LSAMP: variants seen among roughly 807,000 people sequenced by gnomAD.
LSAMP encodes the protein limbic system-associated membrane protein.
In LSAMP, 7 loss-of-function variants were observed where a neutral mutation model predicts 38.6. The observed-to-expected ratio is 0.18, with a 90% CI of 0.10 to 0.34. The LOEUF is 0.34. Ranked by LOEUF, LSAMP falls within the 10% of genes least tolerant of loss-of-function variation. The probability of loss-of-function intolerance (pLI) is 1.00; values close to 1 mark genes in which losing one functional copy is unlikely to be tolerated. For synonymous variants in LSAMP, 154 were observed against 166.8 expected (o/e 0.92, Z 0.59); for missense variants, 313 against 420.0 (o/e 0.75, Z 2.23).
chr3:116,003,421 C>A (rs1008683637), intron 3 of LSAMP, among the ~76,000 whole-genome samples: 2 of 152,082 alleles, frequency 1.3e-5, no homozygotes, highest in African/African-American at 4.8e-5. Flanking sequence ...AGTTGGAGCT[C>A]CCCACATTTT....
rs1161460100 is a variant in LSAMP, at chr3:116,074,844, C to CTTTTTTTTTTT, written c.388+11469_388+11479dup. Among the ~76,000 whole-genome samples the CTTTTTTTTTTT allele has an allele frequency of 9.0e-3, 1,159 of 128,152 alleles. 48 individuals carry two copies. Among genetic ancestry groups the CTTTTTTTTTTT allele is most frequent in the African/African-American group, 0.033 (1,071 of 32,160 alleles). 84.1% of individuals were successfully genotyped at this position (128,152 alleles called of 152,430 possible). A position where few individuals can be genotyped will look rare whatever the true frequency, so the allele number is the denominator to read the frequency against. Reference sequence around the variant, plus strand: ...AAAGTTTAGTCATATTTTCTTTATTCTTTTTTTTTTTTTTTTTGAGATGAG... The same window carrying CTTTTTTTTTTT: ...AAAGTTTAGTCATATTTTCTTTATTCTTTTTTTTTTTTTTTTTTTTTTTTTTTTGAGATGAG... On this transcript the variant is annotated intron_variant, in intron 2 of 6. Coordinates refer to ENST00000490035, the MANE Select transcript of LSAMP (RefSeq NM_002338.5).
At chr3:116,366,478 C>T (rs1221049420) in intron 1 of LSAMP, among the ~76,000 whole-genome samples, 1 of 152,068 alleles carries the variant, frequency 6.6e-6, no homozygotes, top group Non-Finnish European at 1.5e-5. Flanking sequence ...CTTTTAATGG[C>T]CATCCATTCT....
chr3:116,325,746 T>C (rs560069846), intron 1 of LSAMP, among the ~76,000 whole-genome samples: 5 of 152,300 alleles, frequency 3.3e-5, no homozygotes, highest in Non-Finnish European at 7.4e-5. Context: ...CATTTGCCTC[T>C]GAGCTGAAGG....
At chr3:116,436,288 G>A (rs948759794) in intron 1 of LSAMP, among the ~76,000 whole-genome samples, 1 of 152,128 alleles carries the variant, frequency 6.6e-6, no homozygotes, top group Non-Finnish European at 1.5e-5. Flanking sequence ...CATTGGCTTA[G>A]GCAAGGATTT....
intron 1 of LSAMP, among the ~76,000 whole-genome samples, chr3:116,135,129 G>A (rs550416949): frequency 6.6e-6 from 1 of 152,208 alleles, no homozygotes; most frequent in East Asian, 1.9e-4. Flanking sequence ...CTCAGGAAAT[G>A]AATTTATTAC....
Position 115,842,565 on chromosome 3 carries a change from G to A in LSAMP, c.663C>T (p.Ile221=). ...TGGCTTCATTGCTCTTGGATTCTGTGATAGTGGGAGGATCTGTAGGAAGGA... is the reference window on the plus strand; with the variant it reads ...TGGCTTCATTGCTCTTGGATTCTGTAATAGTGGGAGGATCTGTAGGAAGGA... ...VKVTVNYPPT[I]TESKSNEATT... The change falls in exon 5 of 7, where the codon ATC becomes ATT. Residue 221 remains isoleucine (I), a synonymous_variant. Transcript: ENST00000490035. 1 of 1,613,494 alleles carries A rather than the reference G, an allele frequency of 6.2e-7. No homozygotes were observed. The highest frequency in any genetic ancestry group is 2.2e-5 in the East Asian group (1 of 44,836).
At chr3:116,234,355 C>A (rs927326794) in intron 1 of LSAMP, among the ~76,000 whole-genome samples, 6 of 152,048 alleles carry the variant, frequency 3.9e-5, no homozygotes, top group Non-Finnish European at 8.8e-5. Context: ...CCAAATGCTG[C>A]CTGATTGATA....
At chr3:116,109,446 G>C (rs1708547697) in intron 1 of LSAMP, among the ~76,000 whole-genome samples, 1 of 152,164 alleles carries the variant, frequency 6.6e-6, no homozygotes, top group Admixed American at 6.5e-5. Flanking sequence ...TGAGGCGACA[G>C]GCGGGAGGGA....
chr3:115,872,372 C>T (rs989475419), intron 3 of LSAMP, among the ~76,000 whole-genome samples: 4 of 152,106 alleles, frequency 2.6e-5, no homozygotes, highest in African/African-American at 9.7e-5. Context: ...TTGGCTGCCC[C>T]ATGTGCCACC....
chr3:116,101,635 A>C (rs1708349720), intron 1 of LSAMP, among the ~76,000 whole-genome samples: 1 of 152,176 alleles, frequency 6.6e-6, no homozygotes, highest in Non-Finnish European at 1.5e-5. Context: ...TACAGAATGC[A>C]TTAGAACTTA....
intron 1 of LSAMP, among the ~76,000 whole-genome samples, chr3:116,270,058 C>T (rs941036868): frequency 2.6e-5 from 4 of 152,130 alleles, no homozygotes; most frequent in Non-Finnish European, 5.9e-5. Flanking sequence ...CTCCCACCTG[C>T]AATCCTGTTA....
chr3:115,870,958 C>T (rs10804520), intron 3 of LSAMP, among the ~76,000 whole-genome samples: 29,267 of 151,944 alleles, frequency 0.19, 3,685 homozygotes, highest in African/African-American at 0.34. Flanking sequence ...ACAGTGTTTT[C>T]GCTTCCCACA....
chr3:116,273,695 TATATATATATATACAC>T (rs1559808333), intron 1 of LSAMP, among the ~76,000 whole-genome samples: 2 of 123,950 alleles, frequency 1.6e-5, no homozygotes, highest in African/African-American at 7.5e-5. Flanking sequence ...TATATATATA[TATATATATATATACAC>T]ACACACACAC....
rs188680227 is a variant in LSAMP at position 115,938,760 on chromosome 3, A to G, written c.514+80755T>C. ...AAGTAGTGAATTTCAGTATGTCAAC[A>G]GTTGCAGTCATGTTGTTGCATAAGG... On this transcript the variant is annotated intron_variant, in intron 3 of 6. Transcript: ENST00000490035. 2.5e-3 allele frequency among the ~76,000 whole-genome samples: 385 copies of G among 152,318 alleles called. 1 individual carries two copies. Among genetic ancestry groups the G allele is most frequent in the African/African-American group, 9.0e-3 (374 of 41,584 alleles).
chr3:116,075,978 T>G (rs1559733135), intron 2 of LSAMP, among the ~76,000 whole-genome samples: 1 of 152,210 alleles, frequency 6.6e-6, no homozygotes, highest in Admixed American at 6.5e-5. Context: ...CTAGTCTTTT[T>G]CTTTACTTTT....
At position 116,119,293 on chromosome 3, in the gene LSAMP, C is replaced by T. The variant is rs768155022; in HGVS notation, c.156-32737G>A. Among the ~76,000 whole-genome samples the T allele has an allele frequency of 5.4e-4, 82 of 151,654 alleles. 1 individual carries two copies. Among genetic ancestry groups the T allele is most frequent in the Non-Finnish European group, 2.4e-4 (16 of 67,974 alleles). Reference sequence around the variant, plus strand: ...TTCTTCTTCCAGTGGCAACTAGATTCTGTTAGATAGCCATAAGATTGTTAT... The same window carrying T: ...TTCTTCTTCCAGTGGCAACTAGATTTTGTTAGATAGCCATAAGATTGTTAT... On this transcript the variant is annotated intron_variant, in intron 1 of 6. Transcript: ENST00000490035.
intron 1 of LSAMP, among the ~76,000 whole-genome samples, chr3:116,118,337 G>T (rs1229578480): frequency 1.3e-5 from 2 of 151,964 alleles, no homozygotes; most frequent in Admixed American, 1.3e-4. Context: ...GTAGTATTTG[G>T]TGCTGTCAAT....
At chr3:115,935,889 C>G (rs760024682) in intron 3 of LSAMP, among the ~76,000 whole-genome samples, 18 of 152,310 alleles carry the variant, frequency 1.2e-4, no homozygotes, top group Non-Finnish European at 2.2e-4. Context: ...CCAATCTCTT[C>G]CCTTTCCTTC....
At chr3:115,914,168 T>C (rs1316705272) in intron 3 of LSAMP, among the ~76,000 whole-genome samples, 1 of 152,162 alleles carries the variant, frequency 6.6e-6, no homozygotes, top group Non-Finnish European at 1.5e-5. Flanking sequence ...GACCAAACTT[T>C]AGTCAAGCTC....
Sources: allele counts gnomAD v4.1 joint callset (sites outside exome capture counted in the v4.1 genomes callset), GRCh38; gene constraint gnomAD v4.1.1; transcripts MANE v1.5; gene names NCBI Gene and HGNC (gene_info 2026-07-23, HGNC 2026-07-21).